The following RASGRF1 variants were observed in gnomAD, a reference collection of about 807,000 sequenced individuals.
RASGRF1 encodes Ras protein specific guanine nucleotide releasing factor 1.
Under a neutral mutation model 138.7 loss-of-function variants are expected in RASGRF1, and 40 were observed. The observed-to-expected ratio is 0.29, with a 90% CI of 0.22 to 0.38. RASGRF1 has a LOEUF of 0.38. RASGRF1 is among the 10% of genes least tolerant of loss of function. The pLI, the probability that RASGRF1 is intolerant of heterozygous loss-of-function variation, is 1.00. For missense variants in RASGRF1, 1,108 were observed against 1,650.4 expected (o/e 0.67, Z 5.69); for synonymous variants, 614 against 663.2 (o/e 0.93, Z 1.14).
rs1020372870 is a variant in RASGRF1 at position 79,085,753 on chromosome 15, G to C, written c.276+4470C>G. Among the ~76,000 whole-genome samples the C allele has an allele frequency of 1.4e-4, 22 of 152,270 alleles. No homozygotes were observed. The East Asian group carries it at 2.9e-3, about 20-fold the overall frequency. On this transcript the variant is annotated intron_variant, in intron 1 of 26. Transcript: ENST00000558480. ...TTACTGTGGGAGTGAGTTTTGAGGA[G>C]AGAGGCGAGCTCCCTACTCAACTGT...
In RASGRF1 at chr15:79,071,410, A is replaced by G. The variant is rs188276398; in HGVS notation, c.277-6884T>C. On this transcript the variant is annotated intron_variant, in intron 1 of 26. Transcript: ENST00000558480. ...AGTCTCACTCTGTTGCCCAGGCTGGAGTACAGTGGCACAGTCTCTGCTCAT... is the reference window on the plus strand; with the variant it reads ...AGTCTCACTCTGTTGCCCAGGCTGGGGTACAGTGGCACAGTCTCTGCTCAT... 1.4e-4 allele frequency among the ~76,000 whole-genome samples: 20 copies of G among 145,552 alleles called. No individual in the cohort carries two copies. The East Asian group carries it at 4.0e-3, about 29-fold the overall frequency.
At chr15:79,009,520 C>A (rs1240368056) in intron 13 of RASGRF1, among the ~76,000 whole-genome samples, 1 of 152,104 alleles carries the variant, frequency 6.6e-6, no homozygotes, top group Non-Finnish European at 1.5e-5. Flanking sequence ...CCAGCCCAGA[C>A]CTGGCATCCA....
intron 4 of RASGRF1, among the ~76,000 whole-genome samples, chr15:79,048,790 C>T (rs942502666): frequency 3.3e-5 from 5 of 152,218 alleles, no homozygotes; most frequent in Admixed American, 6.5e-5. Context: ...CTAGGGATGG[C>T]GTTGGGGTCC....
intron 12 of RASGRF1, 84 bp downstream of exon 12, chr15:79,017,686 C>T (rs369770065): frequency 7.6e-6 from 11 of 1,439,084 alleles, no homozygotes; most frequent in Non-Finnish European, 9.3e-6. Flanking sequence ...ACCACCCCCA[C>T]CCCCTACCTG....
chr15:79,047,590 G>A (rs944928818), intron 4 of RASGRF1, among the ~76,000 whole-genome samples: 31 of 152,170 alleles, frequency 2.0e-4, no homozygotes, highest in African/African-American at 7.5e-4. Context: ...CCTCATCAGC[G>A]GCTTCTGAGT....
intron 1 of RASGRF1, among the ~76,000 whole-genome samples, chr15:79,075,387 G>T (rs930679310): frequency 6.6e-6 from 1 of 152,018 alleles, no homozygotes; most frequent in African/African-American, 2.4e-5. Context: ...CGCATACCTG[G>T]CCCCAGTATG....
chr15:78,965,326 A>G (rs572656986), intron 26 of RASGRF1, among the ~76,000 whole-genome samples: 17 of 152,236 alleles, frequency 1.1e-4, no homozygotes, highest in African/African-American at 3.9e-4. Flanking sequence ...CTTGCCCCCA[A>G]AGCAGGGGCT....
At chr15:79,011,688 T>C (rs1324939676) in intron 13 of RASGRF1, among the ~76,000 whole-genome samples, 1 of 152,172 alleles carries the variant, frequency 6.6e-6, no homozygotes, top group Non-Finnish European at 1.5e-5. Flanking sequence ...GCTCCTTGGT[T>C]CAAACTTCAC....
At chr15:78,979,461 C>T in intron 24 of RASGRF1, 1 of 211,288 alleles carries the variant, frequency 4.7e-6, no homozygotes, top group Admixed American at 5.3e-5. Context: ...GAGAGGCTTC[C>T]TGAGCTATAT....
intron 22 of RASGRF1, 106 bp downstream of exon 22, chr15:78,990,083 C>A (rs1437641539): frequency 4.2e-6 from 4 of 950,614 alleles, no homozygotes; most frequent in Non-Finnish European, 6.9e-6. Flanking sequence ...GGAGAGGACC[C>A]AGGAGTCTGG....
chr15:79,066,756 C>A (rs528097643), intron 1 of RASGRF1, among the ~76,000 whole-genome samples: 40 of 152,316 alleles, frequency 2.6e-4, no homozygotes, highest in African/African-American at 9.6e-4. Context: ...AGGAAGGATG[C>A]CAGGAAGACC....
intron 1 of RASGRF1, among the ~76,000 whole-genome samples, chr15:79,072,265 A>ATTTTTTTTTTTTTTTTTTTT (rs1567614777): frequency 2.1e-5 from 1 of 46,658 alleles, no homozygotes; most frequent in Non-Finnish European, 4.8e-5. Flanking sequence ...TTGATAAACA[A>ATTTTTTTTTTTTTTTTTTTT]TCTTTTTTTT....
At chr15:79,031,628 G>GAGAGGA (rs2057138594) in intron 7 of RASGRF1, 119 bp from the exon 8 acceptor site, 1 of 229,134 alleles carries the variant, frequency 4.4e-6, no homozygotes, top group Non-Finnish European at 9.4e-6. Flanking sequence ...GAGGGAGAGG[G>GAGAGGA]AGAGGAAGGG....
chr15:79,075,234 C>T (rs2057817216), intron 1 of RASGRF1, among the ~76,000 whole-genome samples: 1 of 152,210 alleles, frequency 6.6e-6, no homozygotes, highest in Non-Finnish European at 1.5e-5. Context: ...CTGCGACCTA[C>T]CAGGCTCACA....
chr15:79,042,353 T>A (rs935122955), intron 5 of RASGRF1, among the ~76,000 whole-genome samples: 1 of 152,228 alleles, frequency 6.6e-6, no homozygotes. Context: ...GCAAGTGAGC[T>A]AGCAGCTCCA....
rs1293969051 is a variant in RASGRF1 at position 79,044,750 on chromosome 15, A to G, written c.878+1996T>C. Among the ~76,000 whole-genome samples the G allele has an allele frequency of 4.6e-5, 7 of 152,366 alleles. No homozygotes were observed. The East Asian group carries it at 1.3e-3, about 29-fold the overall frequency. The stretch of plus-strand genomic sequence containing the variant: ...AAAATATCAGCTTCATGAGAAGGCA[A>G]AATCCCCCTTTCCTCTTTCTCATTT... On this transcript the variant is annotated intron_variant, in intron 5 of 26. Coordinates refer to ENST00000558480, the MANE Select transcript of RASGRF1 (RefSeq NM_001145648.3).
In RASGRF1 at chr15:78,990,174, CCCAT is replaced by C; in HGVS notation, c.3216+11_3216+14del. ...GAAAAACCCCAGTGAGAGAGGCGCT[CCCAT>C]CCATACTCACGTCATTGAAGTGCTT... On this transcript the variant is annotated intron_variant, in intron 22 of 26. Transcript: ENST00000558480. 6.4e-7 allele frequency: 1 copy of C among 1,562,028 alleles called. No homozygotes were observed. Among genetic ancestry groups the C allele is most frequent in the South Asian group, 1.1e-5 (1 of 90,012 alleles).
At chr15:79,016,184 G>C (rs774332428) in intron 12 of RASGRF1, among the ~76,000 whole-genome samples, 46 of 152,204 alleles carry the variant, frequency 3.0e-4, no homozygotes, top group Non-Finnish European at 6.2e-4. Flanking sequence ...GGAAGGCTTG[G>C]TGGCACATCA....
At chr15:78,985,256 A>T in intron 22 of RASGRF1, 52 bp from the exon 23 acceptor site, 1 of 1,469,576 alleles carries the variant, frequency 6.8e-7, no homozygotes, top group Non-Finnish European at 9.4e-7. Context: ...TATTGCAAAG[A>T]TGATAAATGG....
Sources: allele counts gnomAD v4.1 joint callset (sites outside exome capture counted in the v4.1 genomes callset), GRCh38; gene constraint gnomAD v4.1.1; transcripts MANE v1.5; gene names NCBI Gene and HGNC (gene_info 2026-07-23, HGNC 2026-07-21).